The following ERG variants were observed in gnomAD, a reference collection of about 807,000 sequenced individuals.
ERG encodes ETS transcription factor ERG, also known as transcriptional regulator ERG.
A neutral mutation model predicts 55.3 loss-of-function variants in ERG; 9 were observed. The observed-to-expected ratio is 0.16, with a 90% CI of 0.10 to 0.28. The LOEUF is 0.28. Ranked by LOEUF, ERG falls within the 10% of genes least tolerant of loss-of-function variation. ERG has a pLI of 1.00. For synonymous variants in ERG, 223 were observed against 237.3 expected (o/e 0.94, Z 0.55); for missense variants, 434 against 631.6 (o/e 0.69, Z 3.35).
At chr21:38,499,740 G>A (rs2059406831), upstream of ERG, among the ~76,000 whole-genome samples, 1 of 151,226 alleles carries the variant, frequency 6.6e-6, no homozygotes, top group Non-Finnish European at 1.5e-5. Flanking sequence ...GAAAGGGAGA[G>A]GAAGGAGAGG....
At chr21:38,454,342 G>C (rs1436287574) in intron 1 of ERG, among the ~76,000 whole-genome samples, 1 of 152,126 alleles carries the variant, frequency 6.6e-6, no homozygotes, top group Non-Finnish European at 1.5e-5. Context: ...CCCTTGCTCT[G>C]GGAATCACCT....
chr21:38,383,635 G>C lies in ERG; in HGVS notation c.1208C>G (p.Pro403Arg). ...HGIAQALQPH[P>R]PESSLYKYPS... ...GTACTTGTACAGAGATGACTCCGGG[G>C]GGTGGGGCTGGAGGGCCTGGGCGAT... Residue 403 changes from proline (P) to arginine (R), a missense_variant, in exon 10 of 10, where the codon CCC (proline) becomes CGC (arginine). Around this residue, in one of 5 missense-constraint regions of ERG, gnomAD observed 107 missense variants for 126.8 expected, o/e 0.84. Coordinates refer to ENST00000288319, the MANE Select transcript of ERG (RefSeq NM_182918.4). The surrounding 1 kb of genome is among the most constrained non-coding windows in gnomAD (Gnocchi z 5.7). The C allele has an allele frequency of 6.2e-7, 1 of 1,614,168 alleles. No individual in the cohort carries two copies. The highest frequency in any genetic ancestry group is 8.5e-7 in the Non-Finnish European group (1 of 1,180,022).
At chr21:38,373,869 T>G in the ERG span, among the ~76,000 whole-genome samples, 8 of 150,630 alleles carry the variant, frequency 5.3e-5, no homozygotes, top group African/African-American at 9.9e-5. Context: ...GAGTAAGCTC[T>G]TTGTAAACTA....
At chr21:38,661,414 G>A (rs990677933) in intron 1 of ERG, among the ~76,000 whole-genome samples, 1 of 152,210 alleles carries the variant, frequency 6.6e-6, no homozygotes, top group African/African-American at 2.4e-5. Context: ...GCGGTGCCCG[G>A]GACCTCGGTC....
intron 3 of ERG, among the ~76,000 whole-genome samples, chr21:38,408,689 A>G (rs1988895845): frequency 6.6e-6 from 1 of 152,132 alleles, no homozygotes; most frequent in Non-Finnish European, 1.5e-5. Context: ...TCCACACTCC[A>G]TGGTATCTCA....
In ERG at chr21:38,403,552, G is replaced by A. The variant is rs1601341848; in HGVS notation, c.546C>T (p.Ser182=). The A allele has an allele frequency of 1.9e-6, 3 of 1,614,206 alleles. No homozygotes were observed. The highest frequency in any genetic ancestry group is 2.5e-6 in the Non-Finnish European group (3 of 1,180,032). The change falls in exon 4 of 10, where the codon AGC becomes AGT. Residue 182 remains serine, a synonymous_variant. Coordinates refer to ENST00000288319, the MANE Select transcript of ERG (RefSeq NM_182918.4). ...TKDDFQRLTP[S]YNADILLSHL... ...GTGAGAGAAGGATGTCGGCGTTGTAGCTGGGGGTGAGCCTCTGGAAGTCGT... is the reference window on the plus strand; with the variant it reads ...GTGAGAGAAGGATGTCGGCGTTGTAACTGGGGGTGAGCCTCTGGAAGTCGT...
At chr21:38,631,106 A>G (rs1457737064) in intron 1 of ERG, among the ~76,000 whole-genome samples, 1 of 152,190 alleles carries the variant, frequency 6.6e-6, no homozygotes, top group East Asian at 1.9e-4. Flanking sequence ...GCTCATTCCT[A>G]ATGTTTCAGG....
At chr21:38,657,274 C>A (rs1185861038) in intron 1 of ERG, among the ~76,000 whole-genome samples, 1 of 152,188 alleles carries the variant, frequency 6.6e-6, no homozygotes, top group Non-Finnish European at 1.5e-5. Context: ...GTCAAGATAG[C>A]CAAACCCCTT....
At chr21:38,560,448 GGGGCCCCTCCAA>G in intron 2 of ERG, among the ~76,000 whole-genome samples, 1 of 152,144 alleles carries the variant, frequency 6.6e-6, no homozygotes, top group African/African-American at 2.4e-5. Context: ...TGCCCAACCC[GGGGCCCCTCCAA>G]AGGCAAGCTC....
chr21:38,586,512 A>C (rs1049194608), upstream of ERG, among the ~76,000 whole-genome samples: 7 of 152,110 alleles, frequency 4.6e-5, no homozygotes, highest in Non-Finnish European at 1.0e-4. Flanking sequence ...ATGCAAATCG[A>C]AATCATGATG....
chr21:38,587,071 T>C (rs945593798), upstream of ERG, among the ~76,000 whole-genome samples: 15 of 152,372 alleles, frequency 9.8e-5, no homozygotes, highest in African/African-American at 2.9e-4. Flanking sequence ...CACTTATACA[T>C]AGCATCTGAA....
intron 2 of ERG, among the ~76,000 whole-genome samples, chr21:38,509,354 T>C (rs1216547349): frequency 6.6e-6 from 1 of 152,204 alleles, no homozygotes; most frequent in African/African-American, 2.4e-5. Context: ...TGTCGGTCAC[T>C]GGAGGTGCAG....
chr21:38,623,097 A>G (rs750585893), intron 1 of ERG, among the ~76,000 whole-genome samples: 1 of 148,752 alleles, frequency 6.7e-6, no homozygotes, highest in Non-Finnish European at 1.5e-5. Context: ...CACATTATAT[A>G]TGCACCATAC....
chr21:38,660,591 C>G (rs2060547312), intron 1 of ERG: 1 of 152,338 alleles, frequency 6.6e-6, no homozygotes, highest in Middle Eastern at 3.4e-3. Context: ...TCCGCGCCCG[C>G]GTGTGCCAGC....
chr21:38,637,807 C>A (rs966702714), intron 1 of ERG, among the ~76,000 whole-genome samples: 19 of 150,166 alleles, frequency 1.3e-4, no homozygotes, highest in African/African-American at 4.8e-4. Flanking sequence ...TTCACAAGTT[C>A]TTTTTCTGCG....
At chr21:38,498,637 T>A (rs1041703182), upstream of ERG, 53 of 313,436 alleles carry the variant, frequency 1.7e-4, no homozygotes, top group Non-Finnish European at 2.1e-4. The surrounding 1 kb of genome is among the most constrained non-coding windows in gnomAD (Gnocchi z 4.6). Flanking sequence ...GCCAGGAGAT[T>A]TTTTTTTTTT....
intron 2 of ERG, among the ~76,000 whole-genome samples, chr21:38,517,527 C>T (rs902182624): frequency 2.6e-5 from 4 of 152,050 alleles, no homozygotes; most frequent in Non-Finnish European, 5.9e-5. Flanking sequence ...TAAATTAGTA[C>T]AGCCACTATA....
intron 1 of ERG, among the ~76,000 whole-genome samples, chr21:38,580,281 G>T (rs2060021072): frequency 1.3e-5 from 2 of 152,142 alleles, no homozygotes; most frequent in African/African-American, 4.8e-5. Flanking sequence ...AGCCATTTGA[G>T]TGCCTGTTCT....
intron 2 of ERG, among the ~76,000 whole-genome samples, chr21:38,538,607 G>A (rs908985710): frequency 1.3e-5 from 2 of 152,132 alleles, no homozygotes; most frequent in African/African-American, 2.4e-5. Flanking sequence ...CCAGGGCTAA[G>A]TGGCTAAGGC....
Sources: gnomAD v4.1 joint callset for allele counts (sites outside exome capture counted in the v4.1 genomes callset) on GRCh38, gnomAD v4.1.1 for gene constraint, gnomAD v4.1.1 regional missense constraint, Gnocchi (gnomAD v3.1) non-coding constraint, MANE v1.5 for transcripts, NCBI Gene and HGNC (gene_info 2026-07-23, HGNC 2026-07-21) for gene names.